Variants in SNX2 observed in about 807,000 individuals in gnomAD.
SNX2 encodes sorting nexin 2, also known as sorting nexin-2.
SNX2 carries 25 observed loss-of-function variants against 69.9 expected under a neutral mutation model. The ratio of observed to expected loss-of-function variants is 0.36; its 90% CI spans 0.26 to 0.50. The LOEUF (loss-of-function observed/expected upper bound fraction) is 0.50. Ranked by LOEUF, SNX2 falls within the 20% of genes least tolerant of loss-of-function variation. The pLI, the probability that SNX2 is intolerant of heterozygous loss-of-function variation, is 0.97. For synonymous variants in SNX2, 229 were observed against 200.4 expected, an observed-to-expected ratio of 1.14 and a Z score of -1.20; for missense variants, 551 against 613.3, an observed-to-expected ratio of 0.90 and a Z score of 1.07.
intron 6 of SNX2, among the ~76,000 whole-genome samples, chr5:122,806,142 G>GCACCCACACACACACACACACACA (rs1554063175): frequency 7.7e-6 from 1 of 130,584 alleles, no homozygotes; most frequent in African/African-American, 2.9e-5. Flanking sequence ...ACACGCGCGC[G>GCACCCACACACACACACACACACA]CACACACACA....
chr5:122,775,342 C>T (rs942997424), intron 1 of SNX2, 131 bp downstream of exon 1: 1 of 1,386,548 alleles, frequency 7.2e-7, no homozygotes, highest in Admixed American at 2.9e-5. Context: ...GTGACGCGAG[C>T]CCCACCTCCG....
chr5:122,784,019 T>C (rs1385422333), intron 1 of SNX2, among the ~76,000 whole-genome samples: 1 of 151,934 alleles, frequency 6.6e-6, no homozygotes, highest in Non-Finnish European at 1.5e-5. Context: ...GAGTATTTCA[T>C]AGTTTTTAGT....
chr5:122,798,925 C>A (rs1474865233), intron 2 of SNX2, among the ~76,000 whole-genome samples: 1 of 152,018 alleles, frequency 6.6e-6, no homozygotes, highest in East Asian at 1.9e-4. Context: ...TTATTTAAGT[C>A]TTTTATTATT....
In SNX2 at chr5:122,830,793, G is replaced by C. The variant is rs1348930055; in HGVS notation, c.*1145G>C. Among the ~76,000 whole-genome samples the C allele has an allele frequency of 2.8e-4, 43 of 152,174 alleles. No individual in the cohort carries two copies. The highest frequency in any genetic ancestry group is 1.2e-4 in the Non-Finnish European group (8 of 67,998). On this transcript the variant is annotated 3_prime_UTR_variant, in exon 15 of 15. Transcript: ENST00000379516. Reference sequence around the variant, plus strand: ...GGAGGCTGAGGTGGGTGGATCACCTGAGGTCAGGAGTTCAAGACTAGCCTG... The same window carrying C: ...GGAGGCTGAGGTGGGTGGATCACCTCAGGTCAGGAGTTCAAGACTAGCCTG...
chr5:122,806,142 G>GCACGCGCGCACACACA (rs1554063175), intron 6 of SNX2, among the ~76,000 whole-genome samples: 4 of 130,584 alleles, frequency 3.1e-5, no homozygotes, highest in African/African-American at 1.2e-4. Context: ...ACACGCGCGC[G>GCACGCGCGCACACACA]CACACACACA....
chr5:122,827,909 C>A (rs754051555), intron 14 of SNX2: 14 of 343,188 alleles, frequency 4.1e-5, no homozygotes, highest in Non-Finnish European at 6.8e-5. Flanking sequence ...GGGCAACTTT[C>A]CCCTTTCACT....
At chr5:122,812,618 TG>T (rs1244339589) in intron 7 of SNX2, among the ~76,000 whole-genome samples, 1 of 152,258 alleles carries the variant, frequency 6.6e-6, no homozygotes, top group Admixed American at 6.5e-5. Context: ...CCATAGCTTT[TG>T]CCACCTTGTC....
rs1754358868 is a variant in SNX2 at position 122,834,249 on chromosome 5, T to C, written c.*4601T>C. 1 of 152,216 alleles carries C rather than the reference T, an allele frequency of 6.6e-6. No homozygotes were observed. Among genetic ancestry groups the C allele is most frequent in the Non-Finnish European group, 1.5e-5 (1 of 68,022 alleles). 9.4% of individuals were successfully genotyped at this position (152,216 alleles called of 1,614,324 possible). ...ATTGTAGAAGATAGGGAAGCTGTAGTTTACTATCTAGTTTTTTAATGCACA... is the reference window on the plus strand; with the variant it reads ...ATTGTAGAAGATAGGGAAGCTGTAGCTTACTATCTAGTTTTTTAATGCACA... On this transcript the variant is annotated 3_prime_UTR_variant, in exon 15 of 15. Coordinates refer to ENST00000379516, the MANE Select transcript of SNX2 (RefSeq NM_003100.4).
chr5:122,775,764 T>G, intron 1 of SNX2: 1 of 984,884 alleles, frequency 1.0e-6, no homozygotes. Flanking sequence ...GTTAAATAGG[T>G]AAATGCATTT....
intron 7 of SNX2, 116 bp downstream of exon 7, chr5:122,808,471 G>C: frequency 1.5e-6 from 1 of 671,684 alleles, no homozygotes; most frequent in Non-Finnish European, 2.4e-6. Flanking sequence ...AGTACCACTT[G>C]GTGGCTTTTA....
intron 7 of SNX2, 200 bp from the exon 8 acceptor site, chr5:122,815,696 G>A (rs1241634524): frequency 1.1e-5 from 4 of 373,992 alleles, no homozygotes; most frequent in Non-Finnish European, 1.9e-5. Context: ...AAACTGGATA[G>A]TATATCAATT....
At position 122,830,414 on chromosome 5, in the gene SNX2, T is replaced by C. The variant is rs1754259561; in HGVS notation, c.*766T>C. 6.6e-6 allele frequency among the ~76,000 whole-genome samples: 1 copy of C among 152,232 alleles called. No individual in the cohort carries two copies. Among genetic ancestry groups the C allele is most frequent in the South Asian group, 2.1e-4 (1 of 4,834 alleles). On this transcript the variant is annotated 3_prime_UTR_variant, in exon 15 of 15. Transcript: ENST00000379516. The stretch of plus-strand genomic sequence containing the variant: ...GAATTAGGAAAAAAATGTATTTATA[T>C]ACTTTTACAAGTCCCATGGATTTTG...
At chr5:122,802,230 C>A in intron 5 of SNX2, 106 bp downstream of exon 5, 1 of 985,812 alleles carries the variant, frequency 1.0e-6, no homozygotes, top group South Asian at 1.3e-5. Flanking sequence ...ATAAAGGTTA[C>A]CACCTAATAA....
intron 14 of SNX2, chr5:122,827,865 A>C (rs1754190746): frequency 2.2e-6 from 1 of 446,518 alleles, no homozygotes. Flanking sequence ...GCAGAGATAG[A>C]CTTTTCCCAG....
chr5:122,825,299 C>T (rs1222233299), intron 11 of SNX2, among the ~76,000 whole-genome samples: 1 of 151,972 alleles, frequency 6.6e-6, no homozygotes, highest in Non-Finnish European at 1.5e-5. Context: ...TTCTCCCATC[C>T]TATCCATCAT....
chr5:122,827,642 A>G lies in SNX2; in HGVS notation c.1505A>G (p.Gln502Arg). 1 of 1,608,724 alleles carries G rather than the reference A, an allele frequency of 6.2e-7. No individual in the cohort carries two copies. Among genetic ancestry groups the G allele is most frequent in the South Asian group, 1.1e-5 (1 of 90,662 alleles). The change falls in exon 14 of 15, where the codon CAA becomes CGA. Residue 502 changes from glutamine (Q) to arginine (R), a missense_variant. By Grantham distance (43) the Gln-to-Arg change is conservative. Around this residue, in one of 2 missense-constraint regions of SNX2, gnomAD observed 360 missense variants for 450.4 expected, o/e 0.80. Coordinates refer to ENST00000379516, the MANE Select transcript of SNX2 (RefSeq NM_003100.4). ...TTAGAATCACTAGTTCAAACACAAC[A>G]ACAGGTAAGCCATTTTTGTTTATAA... The part of the protein sequence containing the change: ...KYLESLVQTQ[Q>R]QLIKYWEAFL...
intron 8 of SNX2, among the ~76,000 whole-genome samples, 176 bp downstream of exon 8, chr5:122,816,147 T>C (rs1753896675): frequency 6.6e-6 from 1 of 152,192 alleles, no homozygotes. Flanking sequence ...ATATCTTTGC[T>C]TTGATACTTG....
At chr5:122,820,369 C>A (rs1753995492) in intron 11 of SNX2, among the ~76,000 whole-genome samples, 1 of 152,088 alleles carries the variant, frequency 6.6e-6, no homozygotes, top group Non-Finnish European at 1.5e-5. Context: ...AACCCCGGCT[C>A]TACTAAAAAT....
In SNX2 at chr5:122,810,748, T is replaced by G. The variant is rs563357575; in HGVS notation, c.722+2393T>G. 7.2e-5 allele frequency among the ~76,000 whole-genome samples: 11 copies of G among 152,268 alleles called. No individual in the cohort carries two copies. The East Asian group carries it at 2.1e-3, about 29-fold the overall frequency. ...CACTTTCTTTACTGATAAATGCTACTTGTTAAATGGTACCATAGTGGAATT... is the reference window on the plus strand; with the variant it reads ...CACTTTCTTTACTGATAAATGCTACGTGTTAAATGGTACCATAGTGGAATT... On this transcript the variant is annotated intron_variant, in intron 7 of 14. Transcript: ENST00000379516.
Sources: gnomAD v4.1 joint callset for allele counts (sites outside exome capture counted in the v4.1 genomes callset) on GRCh38, gnomAD v4.1.1 for gene constraint, gnomAD v4.1.1 regional missense constraint, MANE v1.5 for transcripts, NCBI Gene and HGNC (gene_info 2026-07-23, HGNC 2026-07-21) for gene names.